The following ZC3H7B variants were observed in gnomAD, a reference collection of about 807,000 sequenced individuals.
ZC3H7B encodes the protein zinc finger CCCH domain-containing protein 7B.
Under a neutral mutation model 116.0 loss-of-function variants are expected in ZC3H7B, and 35 were observed. That is an observed-to-expected ratio of 0.30 (90% CI 0.23 to 0.40). The LOEUF is 0.40. Among genes scored for constraint, ZC3H7B ranks in the 10% least tolerant of loss-of-function variants. The probability of loss-of-function intolerance (pLI) is 1.00; values close to 1 mark genes in which losing one functional copy is unlikely to be tolerated. For synonymous variants in ZC3H7B, 502 were observed against 545.6 expected, an observed-to-expected ratio of 0.92 and a Z score of 1.11; for missense variants, 1,011 against 1,321.5, an observed-to-expected ratio of 0.77 and a Z score of 3.64.
In ZC3H7B at chr22:41,351,491, C is replaced by A; in HGVS notation, c.1949-70C>A. ...TGGGCCTCGGGGGTCCCTGGCACCT[C>A]GTGGACCCCCTGCCTCCCTCCTTGC... On this transcript the variant is annotated intron_variant, in intron 16 of 22. Coordinates refer to ENST00000352645, the MANE Select transcript of ZC3H7B (RefSeq NM_017590.6). This position sits in a 1 kb window ranked among gnomAD's most constrained non-coding sequence, Gnocchi z 5.1. The A allele has an allele frequency of 6.9e-7, 1 of 1,451,026 alleles. No individual in the cohort carries two copies. Among genetic ancestry groups the A allele is most frequent in the South Asian group, 1.3e-5 (1 of 79,444 alleles). 89.9% of individuals were successfully genotyped at this position (1,451,026 alleles called of 1,614,324 possible). A position where few individuals can be genotyped will look rare whatever the true frequency, so the allele number is the denominator to read the frequency against.
chr22:41,318,130 C>T (rs1032739990), intron 1 of ZC3H7B, among the ~76,000 whole-genome samples: 1 of 152,110 alleles, frequency 6.6e-6, no homozygotes, highest in African/African-American at 2.4e-5. Flanking sequence ...CAGTCTGCCC[C>T]GTCTACAAAA....
At chr22:41,326,680 G>T (rs1235221806) in intron 4 of ZC3H7B, among the ~76,000 whole-genome samples, 1 of 152,190 alleles carries the variant, frequency 6.6e-6, no homozygotes, top group Non-Finnish European at 1.5e-5. Context: ...TGCACCCACT[G>T]ACTCAGGTTC....
At chr22:41,348,827 G>A (rs1205130213) in intron 15 of ZC3H7B, among the ~76,000 whole-genome samples, 1 of 152,194 alleles carries the variant, frequency 6.6e-6, no homozygotes, top group East Asian at 1.9e-4. Context: ...ATGCAGGACC[G>A]GCTCTGCAGA....
chr22:41,324,343 G>T (rs1046384137), intron 2 of ZC3H7B, among the ~76,000 whole-genome samples: 1 of 152,142 alleles, frequency 6.6e-6, no homozygotes, highest in African/African-American at 2.4e-5. Flanking sequence ...CTGGCGTTGC[G>T]CCTCTGCCCA....
chr22:41,308,919 T>G (rs2036081666), intron 1 of ZC3H7B, among the ~76,000 whole-genome samples: 1 of 151,824 alleles, frequency 6.6e-6, no homozygotes, highest in Non-Finnish European at 1.5e-5. Flanking sequence ...AGGTGCCCTC[T>G]TACCCCACCT....
intron 1 of ZC3H7B, among the ~76,000 whole-genome samples, chr22:41,308,389 C>T (rs1346580726): frequency 6.6e-6 from 1 of 152,152 alleles, no homozygotes; most frequent in Non-Finnish European, 1.5e-5. Context: ...AACTCCTGTT[C>T]ATGCTGGCTG....
intron 20 of ZC3H7B, 21 bp downstream of exon 20, chr22:41,356,083 G>T: frequency 6.4e-7 from 1 of 1,551,994 alleles, no homozygotes. Context: ...AGACGGGGCG[G>T]GCGGGCCCTC....
intron 1 of ZC3H7B, among the ~76,000 whole-genome samples, chr22:41,303,684 T>G (rs1294553993): frequency 7.2e-6 from 1 of 138,362 alleles, no homozygotes; most frequent in African/African-American, 2.4e-5. Flanking sequence ...CACCCAGTTT[T>G]CTGGCTCCAA....
At position 41,338,046 on chromosome 22, in the gene ZC3H7B, T is replaced by C. The variant is rs1306047308; in HGVS notation, c.583-267T>C. Among the ~76,000 whole-genome samples the C allele has an allele frequency of 2.6e-5, 4 of 152,126 alleles. No homozygotes were observed. Among genetic ancestry groups the C allele is most frequent in the African/African-American group, 9.7e-5 (4 of 41,420 alleles). On this transcript the variant is annotated intron_variant, in intron 7 of 22. Transcript: ENST00000352645. This position sits in a 1 kb window ranked among gnomAD's most constrained non-coding sequence, Gnocchi z 4.5. ...CCATGCCCGACTAATTTTTGTATTT[T>C]TAGTAGAGATGAGGTTTCACCATGT...
chr22:41,323,143 A>C (rs950113305), intron 2 of ZC3H7B, among the ~76,000 whole-genome samples: 4 of 152,154 alleles, frequency 2.6e-5, no homozygotes, highest in Non-Finnish European at 4.4e-5. Flanking sequence ...CACCTAGAGC[A>C]TGGCCCCAAG....
chr22:41,320,502 G>A (rs1374466247), intron 1 of ZC3H7B, among the ~76,000 whole-genome samples, 153 bp from the exon 2 acceptor site: 1 of 151,962 alleles, frequency 6.6e-6, no homozygotes, highest in Admixed American at 6.6e-5. Context: ...CTGGCCTGAG[G>A]GTGGTCATCG....
rs199987745 is a variant in ZC3H7B, at chr22:41,356,109, A to G, written c.2383+47A>G. ...GCGGGCCCTCCCCCGGTGTCTCTTC[A>G]GTGCTGAATGTCTCAATTCACCAGC... is the stretch of plus-strand genomic sequence containing the variant. On this transcript the variant is annotated intron_variant, in intron 20 of 22. Coordinates refer to ENST00000352645, the MANE Select transcript of ZC3H7B (RefSeq NM_017590.6). The G allele has an allele frequency of 5.2e-5, 78 of 1,505,430 alleles. No individual in the cohort carries two copies. In the African/African-American group the frequency reaches 7.7e-4, roughly 15 times the overall value. 93.3% of individuals were successfully genotyped at this position (1,505,430 alleles called of 1,614,324 possible). A position where few individuals can be genotyped will look rare whatever the true frequency, so the allele number is the denominator to read the frequency against.
At chr22:41,313,518 C>G (rs57930763) in intron 1 of ZC3H7B, among the ~76,000 whole-genome samples, 2,189 of 152,238 alleles carry the variant, frequency 0.014, 60 homozygotes, top group African/African-American at 0.051. Context: ...AATGGACAAC[C>G]TTGAAGGAGC....
At chr22:41,328,507 T>G (rs956483034) in intron 5 of ZC3H7B, among the ~76,000 whole-genome samples, 7 of 152,188 alleles carry the variant, frequency 4.6e-5, no homozygotes, top group Non-Finnish European at 8.8e-5. Flanking sequence ...TGTCACAGTG[T>G]CTTCCTTGCC....
chr22:41,325,647 G>A (rs1569234612), intron 3 of ZC3H7B, 50 bp downstream of exon 3: 1 of 1,609,152 alleles, frequency 6.2e-7, no homozygotes, highest in Non-Finnish European at 8.5e-7. Flanking sequence ...GAGATGTGCA[G>A]GGGAGAGGCG....
intron 1 of ZC3H7B, among the ~76,000 whole-genome samples, chr22:41,315,866 G>C (rs1322978049): frequency 6.6e-6 from 1 of 152,126 alleles, no homozygotes; most frequent in Non-Finnish European, 1.5e-5. Flanking sequence ...TCACATTAGA[G>C]ATTAGAGCTT....
At chr22:41,320,018 G>A (rs1167371512) in intron 1 of ZC3H7B, among the ~76,000 whole-genome samples, 5 of 141,700 alleles carry the variant, frequency 3.5e-5, no homozygotes, top group Non-Finnish European at 7.5e-5. Context: ...GCAATAGAGC[G>A]AGACTCCATC....
chr22:41,349,004 A>C lies in ZC3H7B; in HGVS notation c.1767-116A>C. The C allele has an allele frequency of 8.9e-7, 1 of 1,123,164 alleles. No individual in the cohort carries two copies. The highest frequency in any genetic ancestry group is 1.3e-6 in the Non-Finnish European group (1 of 788,968). The allele number at this position is 1,123,164 out of a possible 1,614,324, so 69.6% of individuals were successfully genotyped here. On this transcript the variant is annotated intron_variant, in intron 15 of 22. Coordinates refer to ENST00000352645, the MANE Select transcript of ZC3H7B (RefSeq NM_017590.6). The surrounding 1 kb of genome is among the most constrained non-coding windows in gnomAD (Gnocchi z 4.9). ...GTGTCATCCATGGCCTGGATTTGGT[A>C]CATAGATCAGGGGGTGCCCAGGGAG...
intron 2 of ZC3H7B, among the ~76,000 whole-genome samples, chr22:41,323,817 T>C (rs1223817606): frequency 6.6e-6 from 1 of 152,144 alleles, no homozygotes; most frequent in Non-Finnish European, 1.5e-5. Flanking sequence ...ATGCCTGTAA[T>C]CCCAGCACTT....
Sources: gnomAD v4.1 joint callset for allele counts (sites outside exome capture counted in the v4.1 genomes callset) on GRCh38, gnomAD v4.1.1 for gene constraint, Gnocchi (gnomAD v3.1) non-coding constraint, MANE v1.5 for transcripts, NCBI Gene and HGNC (gene_info 2026-07-23, HGNC 2026-07-21) for gene names.